Variants in DPH6 observed in about 807,000 individuals in gnomAD.
DPH6 encodes diphthamine biosynthesis 6.
DPH6 carries 33 observed loss-of-function variants against 38.2 expected under a neutral mutation model. That is an observed-to-expected ratio of 0.86 (90% confidence interval 0.65 to 1.15). The LOEUF is 1.15. Among genes scored for constraint, DPH6 ranks in the 50% most tolerant of loss-of-function variants. DPH6 has a pLI of 0.00. For synonymous variants in DPH6, 108 were observed against 103.0 expected (o/e 1.05, Z -0.30); for missense variants, 325 against 320.0 (o/e 1.02, Z -0.12).
intron 3 of DPH6, among the ~76,000 whole-genome samples, chr15:35,359,288 T>C (rs960779605): frequency 6.6e-6 from 1 of 151,910 alleles, no homozygotes; most frequent in Non-Finnish European, 1.5e-5. Context: ...GGCTTGAAAA[T>C]CTACTGCAGG....
At chr15:35,247,024 T>C (rs2051642159) in intron 3 of DPH6, among the ~76,000 whole-genome samples, 1 of 152,172 alleles carries the variant, frequency 6.6e-6, no homozygotes, top group Non-Finnish European at 1.5e-5. Context: ...ATTTTTATGT[T>C]AAAACAAACT....
At chr15:35,362,835 T>G (rs1283705729) in intron 3 of DPH6, among the ~76,000 whole-genome samples, 1 of 152,182 alleles carries the variant, frequency 6.6e-6, no homozygotes, top group Non-Finnish European at 1.5e-5. Flanking sequence ...TCTGGGGTAG[T>G]GTGACTTTAC....
intron 3 of DPH6, among the ~76,000 whole-genome samples, chr15:35,244,843 C>T (rs1423159039): frequency 2.0e-5 from 3 of 152,118 alleles, no homozygotes; most frequent in South Asian, 2.1e-4. Context: ...TATGAGCCTA[C>T]GAGCTTGGTA....
Position 35,538,330 on chromosome 15 carries a change from T to C in DPH6, c.256A>G (p.Thr86Ala), listed in dbSNP as rs2055202618. 5.0e-6 allele frequency: 8 copies of C among 1,609,034 alleles called. No individual in the cohort carries two copies. The highest frequency in any genetic ancestry group is 1.7e-5 in the Admixed American group (1 of 59,956). ...GRSLDTRQVY[T>A]KCEGDEVEDL... ...TCAACCTCATCACCTTCACATTTGG[T>C]GTACACTTGTCTTGTATCCAAGCTC... is the stretch of plus-strand genomic sequence containing the variant. The change falls in exon 3 of 9, where the codon ACC (threonine) becomes GCC (alanine). Residue 86 changes from threonine (T) to alanine (A), a missense_variant. Physicochemically the swap from Thr to Ala is moderately conservative, Grantham distance 58. Coordinates refer to ENST00000256538, the MANE Select transcript of DPH6 (RefSeq NM_080650.4).
chr15:35,311,297 C>G (rs1305458801), intron 3 of DPH6, among the ~76,000 whole-genome samples: 3 of 152,110 alleles, frequency 2.0e-5, no homozygotes, highest in South Asian at 4.2e-4. Flanking sequence ...AAAATGCACC[C>G]CCTCAGATTT....
In DPH6 at chr15:35,289,020, ACT is replaced by A. The variant is rs1488945532; in HGVS notation, n.201-68440_201-68439del. On this transcript the variant is annotated intron_variant and non_coding_transcript_variant, in intron 3 of 3. Transcript: ENST00000560386. ...TTTTGGGGGTAAAATGAAAAGAGGAACTTGTATTTTTACCGACTGTTGGATAC... is the reference window on the plus strand; with the variant it reads ...TTTTGGGGGTAAAATGAAAAGAGGAATGTATTTTTACCGACTGTTGGATAC... Among the ~76,000 whole-genome samples the A allele has an allele frequency of 7.6e-3, 1,164 of 152,284 alleles. 6 individuals carry two copies. Among genetic ancestry groups the A allele is most frequent in the Admixed American group, 0.018 (279 of 15,304 alleles).
In DPH6 at chr15:35,336,952, T is replaced by G. The variant is rs574961955; in HGVS notation, n.208-5875A>C. Reference sequence around the variant, plus strand: ...CCTGGCTTTGGTATCAGGATGATGCTGGCCTCATAAAATGAGTTAGGGAGG... The same window carrying G: ...CCTGGCTTTGGTATCAGGATGATGCGGGCCTCATAAAATGAGTTAGGGAGG... On this transcript the variant is annotated intron_variant and non_coding_transcript_variant, in intron 3 of 3. Coordinates refer to the DPH6 transcript ENST00000558973. 1.4e-4 allele frequency among the ~76,000 whole-genome samples: 22 copies of G among 152,294 alleles called. 4 individuals are homozygous for G. Among genetic ancestry groups the G allele is most frequent in the East Asian group, 7.7e-4 (4 of 5,188 alleles).
At chr15:35,398,872 G>A (rs2140973291) in intron 6 of DPH6, among the ~76,000 whole-genome samples, 1 of 152,264 alleles carries the variant, frequency 6.6e-6, no homozygotes, top group East Asian at 1.9e-4. Context: ...GTCTGCTGAG[G>A]AATTGCTTGG....
chr15:35,286,551 T>C (rs1270019769), intron 3 of DPH6, among the ~76,000 whole-genome samples: 2 of 152,192 alleles, frequency 1.3e-5, no homozygotes, highest in Non-Finnish European at 2.9e-5. Context: ...AATAAATAGT[T>C]CATAAGACAT....
chr15:35,231,603 T>G (rs2051518363), intron 3 of DPH6, among the ~76,000 whole-genome samples: 1 of 152,258 alleles, frequency 6.6e-6, no homozygotes, highest in Non-Finnish European at 1.5e-5. Context: ...TCCACCCATC[T>G]CTGTAATCAC....
At chr15:35,513,783 TC>T (rs2054808230) in intron 3 of DPH6, among the ~76,000 whole-genome samples, 1 of 151,948 alleles carries the variant, frequency 6.6e-6, no homozygotes, top group Non-Finnish European at 1.5e-5. Flanking sequence ...TTAAAGCATA[TC>T]TTTAAGATGT....
intron 3 of DPH6, among the ~76,000 whole-genome samples, chr15:35,249,908 A>G (rs2051660450): frequency 6.6e-6 from 1 of 152,098 alleles, no homozygotes. Context: ...TCACGCCTGT[A>G]ATCCCAGCAC....
At chr15:35,493,982 G>T (rs1230570935) in intron 3 of DPH6, among the ~76,000 whole-genome samples, 1 of 151,982 alleles carries the variant, frequency 6.6e-6, no homozygotes, top group African/African-American at 2.4e-5. Context: ...GCAGACTCTG[G>T]AACCAACTGC....
chr15:35,541,397 G>T (rs533446499), intron 2 of DPH6, among the ~76,000 whole-genome samples: 1 of 152,180 alleles, frequency 6.6e-6, no homozygotes, highest in African/African-American at 2.4e-5. Context: ...GTGATGAGGA[G>T]CAATAAAAGG....
intron 6 of DPH6, among the ~76,000 whole-genome samples, chr15:35,393,150 G>GT (rs1566893375): frequency 6.6e-6 from 1 of 152,206 alleles, no homozygotes; most frequent in East Asian, 1.9e-4. Flanking sequence ...GGGCCTGGAT[G>GT]TAAGTCTAGA....
the DPH6 span, among the ~76,000 whole-genome samples, chr15:35,188,571 T>C: frequency 1.3e-5 from 2 of 152,190 alleles, no homozygotes; most frequent in Non-Finnish European, 1.5e-5. Context: ...TACAGCTTTT[T>C]AATAAACTTT....
At chr15:35,314,220 G>GT (rs1327002798) in intron 3 of DPH6, among the ~76,000 whole-genome samples, 1 of 152,128 alleles carries the variant, frequency 6.6e-6, no homozygotes, top group African/African-American at 2.4e-5. Context: ...TCAGAGAAAT[G>GT]TAAGTTGGTG....
chr15:35,177,151 A>C, the DPH6 span, among the ~76,000 whole-genome samples: 23 of 152,276 alleles, frequency 1.5e-4, no homozygotes, highest in Middle Eastern at 0.017. Context: ...CATTCTGGTA[A>C]TCTGAAAATG....
Position 35,373,506 on chromosome 15 carries a change from C to A in DPH6, c.750+15G>T, listed in dbSNP as rs1490204355. 2 of 1,594,696 alleles carry A rather than the reference C, an allele frequency of 1.3e-6. No homozygotes were observed. The highest frequency in any genetic ancestry group is 4.6e-5 in the East Asian group (2 of 43,862). ...AATTTCTATTGAAATCACTGTGAAT[C>A]TTAGATTTACTTGCCTTGTCCTCCA... On this transcript the variant is annotated intron_variant, in intron 8 of 8. Transcript: ENST00000256538.
Sources: allele counts gnomAD v4.1 joint callset (sites outside exome capture counted in the v4.1 genomes callset), GRCh38; gene constraint gnomAD v4.1.1; transcripts MANE v1.5; gene names NCBI Gene and HGNC (gene_info 2026-07-23, HGNC 2026-07-21).